Variants in RBFOX1 observed in about 807,000 individuals in gnomAD.
The protein encoded by RBFOX1 is RNA binding fox-1 homolog 1, also known as RNA binding protein fox-1 homolog 1.
Under a neutral mutation model 57.7 loss-of-function variants are expected in RBFOX1, and 8 were observed. The ratio of observed to expected loss-of-function variants is 0.14; its 90% CI spans 0.08 to 0.25. The LOEUF (loss-of-function observed/expected upper bound fraction) is 0.25. RBFOX1 is among the 10% of genes least tolerant of loss of function. The probability of loss-of-function intolerance (pLI) is 1.00; values close to 1 mark genes in which losing one functional copy is unlikely to be tolerated. For synonymous variants in RBFOX1, 326 were observed against 222.4 expected (o/e 1.47, Z -4.15); for missense variants, 611 against 548.5 (o/e 1.11, Z -1.14).
At chr16:5,566,053 G>A (rs7186722) in intron 2 of RBFOX1, among the ~76,000 whole-genome samples, 108,415 of 152,048 alleles carry the variant, frequency 0.71, 38,956 homozygotes, top group East Asian at 0.81. Flanking sequence ...TTTGCCATAT[G>A]AGATGTGACT....
chr16:5,748,979 A>T (rs549276374), intron 3 of RBFOX1, among the ~76,000 whole-genome samples: 1 of 152,186 alleles, frequency 6.6e-6, no homozygotes, highest in East Asian at 1.9e-4. Flanking sequence ...TGGTCTTTAC[A>T]ATTTGGCATG....
chr16:5,597,556 C>T (rs1414279230), intron 2 of RBFOX1, among the ~76,000 whole-genome samples: 1 of 151,942 alleles, frequency 6.6e-6, no homozygotes, highest in Non-Finnish European at 1.5e-5. Flanking sequence ...CCCGCCACCA[C>T]AGCCTGGCTG....
intron 3 of RBFOX1, among the ~76,000 whole-genome samples, chr16:5,729,514 T>G (rs1231398250): frequency 1.3e-5 from 2 of 151,508 alleles, no homozygotes; most frequent in African/African-American, 4.9e-5. Flanking sequence ...AGCATGGGGA[T>G]TCAGAGATAG....
intron 5 of RBFOX1, among the ~76,000 whole-genome samples, chr16:7,569,584 T>C (rs2092556253): frequency 6.6e-6 from 1 of 152,150 alleles, no homozygotes; most frequent in Non-Finnish European, 1.5e-5. Context: ...CAACCTTAAT[T>C]CTCCATTGCC....
intron 2 of RBFOX1, among the ~76,000 whole-genome samples, chr16:5,513,508 C>G (rs547900100): frequency 2.0e-5 from 3 of 152,286 alleles, no homozygotes; most frequent in African/African-American, 7.2e-5. Context: ...CCTCTTCATT[C>G]TGTGCTCTTT....
At chr16:5,261,838 C>T (rs556788528) in intron 1 of RBFOX1, among the ~76,000 whole-genome samples, 7 of 152,302 alleles carry the variant, frequency 4.6e-5, no homozygotes, top group Non-Finnish European at 1.0e-4. Context: ...GTGTGAGCCA[C>T]CGTATAAGCC....
At chr16:6,825,778 C>G (rs2092042408) in intron 3 of RBFOX1, among the ~76,000 whole-genome samples, 2 of 152,044 alleles carry the variant, frequency 1.3e-5, no homozygotes, top group African/African-American at 2.4e-5. Flanking sequence ...AGACACGCAG[C>G]TAATGAAAGG....
At chr16:6,597,438 C>T (rs564461357) in intron 2 of RBFOX1, among the ~76,000 whole-genome samples, 2 of 152,184 alleles carry the variant, frequency 1.3e-5, no homozygotes, top group African/African-American at 2.4e-5. Context: ...CTTTGGGAGG[C>T]CGAGGTGGGC....
intron 2 of RBFOX1, among the ~76,000 whole-genome samples, chr16:6,327,782 C>T (rs993995404): frequency 6.6e-6 from 1 of 152,196 alleles, no homozygotes. Flanking sequence ...AGGAGCCTCT[C>T]TTCTTGACCG....
At chr16:6,804,850 C>T (rs562820304) in intron 3 of RBFOX1, among the ~76,000 whole-genome samples, 1 of 152,266 alleles carries the variant, frequency 6.6e-6, no homozygotes, top group African/African-American at 2.4e-5. Flanking sequence ...TTATGTCCTC[C>T]ATAGTCAATT....
At chr16:6,199,656 A>G (rs958381673) in intron 1 of RBFOX1, among the ~76,000 whole-genome samples, 4 of 152,210 alleles carry the variant, frequency 2.6e-5, no homozygotes, top group Non-Finnish European at 4.4e-5. Context: ...AGTTGTCTAC[A>G]TATTCACCTG....
intron 2 of RBFOX1, among the ~76,000 whole-genome samples, chr16:5,477,671 G>A (rs571629300): frequency 4.6e-5 from 7 of 152,210 alleles, no homozygotes; most frequent in Non-Finnish European, 2.9e-5. Flanking sequence ...TTCCTATCTG[G>A]GGGCTGGGGT....
At chr16:6,176,137 A>G (rs979078357) in intron 1 of RBFOX1, among the ~76,000 whole-genome samples, 1 of 151,748 alleles carries the variant, frequency 6.6e-6, no homozygotes, top group Non-Finnish European at 1.5e-5. Flanking sequence ...ACTACACATC[A>G]TTAGTAATTT....
intron 1 of RBFOX1, among the ~76,000 whole-genome samples, chr16:6,189,539 C>G (rs143444417): frequency 1.2e-4 from 19 of 152,228 alleles, no homozygotes; most frequent in African/African-American, 4.3e-4. Flanking sequence ...AGCTTAGGTG[C>G]GGGAGCACTC....
intron 2 of RBFOX1, among the ~76,000 whole-genome samples, chr16:6,423,294 C>T (rs1052077208): frequency 5.9e-5 from 9 of 152,140 alleles, no homozygotes; most frequent in African/African-American, 1.9e-4. Flanking sequence ...TTGCCATGAT[C>T]CCTGTAGGAG....
Position 7,176,665 on chromosome 16 carries a change from C to G in RBFOX1, c.27+124567C>G, listed in dbSNP as rs534336145. Among the ~76,000 whole-genome samples, 111 of 152,230 alleles carry G rather than the reference C, an allele frequency of 7.3e-4. 1 individual carries two copies. The highest frequency in any genetic ancestry group is 2.5e-3 in the African/African-American group (104 of 41,522). ...GAAATATTTAATGTTTGCCCCTTTA[C>G]TGGAAAAGGTTTCCGATCCTTGTTC... On this transcript the variant is annotated intron_variant, in intron 4 of 15. Transcript: ENST00000550418.
chr16:5,840,086 C>G (rs2056579678), intron 3 of RBFOX1, among the ~76,000 whole-genome samples: 1 of 152,188 alleles, frequency 6.6e-6, no homozygotes, highest in South Asian at 2.1e-4. Flanking sequence ...TAGTATCTAA[C>G]TCATGAACAC....
intron 1 of RBFOX1, chr16:6,038,470 C>G (rs2095395881): frequency 1.3e-5 from 2 of 149,502 alleles, no homozygotes; most frequent in African/African-American, 4.9e-5. Flanking sequence ...GTGTGAGCCA[C>G]TGCACCCTGC....
At chr16:5,722,542 C>G (rs1051342377) in intron 3 of RBFOX1, among the ~76,000 whole-genome samples, 6 of 152,140 alleles carry the variant, frequency 3.9e-5, no homozygotes, top group African/African-American at 9.7e-5. Flanking sequence ...TCAAAGACAC[C>G]TGAGACCTGT....
Sources: gnomAD v4.1 joint callset for allele counts (sites outside exome capture counted in the v4.1 genomes callset) on GRCh38, gnomAD v4.1.1 for gene constraint, MANE v1.5 for transcripts, NCBI Gene and HGNC (gene_info 2026-07-23, HGNC 2026-07-21) for gene names.